Variants in POU2F3 observed in about 807,000 individuals in gnomAD.
POU2F3 encodes the protein POU domain, class 2, transcription factor 3.
POU2F3 carries 23 observed loss-of-function variants against 59.2 expected under a neutral mutation model. That is an observed-to-expected ratio of 0.39 (90% CI 0.28 to 0.55). The LOEUF is 0.55. Ranked by LOEUF, POU2F3 falls within the 20% of genes least tolerant of loss-of-function variation. POU2F3 has a pLI of 0.66. For synonymous variants in POU2F3, 190 were observed against 214.6 expected, an observed-to-expected ratio of 0.89 and a Z score of 1.00; for missense variants, 473 against 544.5, an observed-to-expected ratio of 0.87 and a Z score of 1.31.
At chr11:120,315,968 G>C (rs993275720) in intron 11 of POU2F3, among the ~76,000 whole-genome samples, 7 of 149,312 alleles carry the variant, frequency 4.7e-5, no homozygotes, top group African/African-American at 1.7e-4. Context: ...TGCCTCCCAG[G>C]TTCAAGCAAT....
chr11:120,280,616 G>A (rs1393123291), intron 3 of POU2F3, among the ~76,000 whole-genome samples: 1 of 145,476 alleles, frequency 6.9e-6, no homozygotes, highest in East Asian at 1.9e-4. Context: ...AGGACAGACA[G>A]AGAGAGAGAG....
Position 120,307,476 on chromosome 11 carries a change from C to T in POU2F3, c.770-3C>T. 1 of 1,614,016 alleles carries T rather than the reference C, an allele frequency of 6.2e-7. No homozygotes were observed. Among genetic ancestry groups the T allele is most frequent in the Non-Finnish European group, 8.5e-7 (1 of 1,179,914 alleles). On this transcript the variant is annotated splice_polypyrimidine_tract_variant and splice_region_variant and intron_variant, in intron 8 of 12. Transcript: ENST00000543440. Reference sequence around the variant, plus strand: ...CTTCCTCTGGTCCTTCGTGTCCCTGCAGAGTCCTCTCCGTCAGACCCCTCA... The same window carrying T: ...CTTCCTCTGGTCCTTCGTGTCCCTGTAGAGTCCTCTCCGTCAGACCCCTCA...
At chr11:120,313,033 G>T (rs1941689640) in intron 10 of POU2F3, among the ~76,000 whole-genome samples, 1 of 152,186 alleles carries the variant, frequency 6.6e-6, no homozygotes, top group Non-Finnish European at 1.5e-5. Flanking sequence ...GCAAACCAGG[G>T]AGTGAGGGTG....
intron 2 of POU2F3, among the ~76,000 whole-genome samples, chr11:120,254,646 G>A (rs1033073511): frequency 6.6e-6 from 1 of 152,222 alleles, no homozygotes; most frequent in Non-Finnish European, 1.5e-5. Flanking sequence ...CCAGAGTCAA[G>A]CTGAGAGTAC....
intron 3 of POU2F3, among the ~76,000 whole-genome samples, chr11:120,280,285 A>T (rs551173338): frequency 6.6e-6 from 1 of 152,340 alleles, no homozygotes; most frequent in Non-Finnish European, 1.5e-5. Context: ...ATTTAAACCT[A>T]TAGCCACCCA....
chr11:120,307,189 A>G (rs990960306), intron 8 of POU2F3, among the ~76,000 whole-genome samples: 2 of 152,164 alleles, frequency 1.3e-5, no homozygotes, highest in Admixed American at 1.3e-4. Flanking sequence ...CTCAGCTGTG[A>G]CCCCAAACAC....
chr11:120,299,105 T>G (rs1169822708), intron 4 of POU2F3, among the ~76,000 whole-genome samples: 1 of 152,200 alleles, frequency 6.6e-6, no homozygotes, highest in African/African-American at 2.4e-5. Context: ...ACTTTTTGTT[T>G]AACTAAATTG....
intron 2 of POU2F3, among the ~76,000 whole-genome samples, chr11:120,263,598 C>T (rs898661868): frequency 7.9e-5 from 12 of 152,174 alleles, no homozygotes; most frequent in Non-Finnish European, 1.5e-4. Flanking sequence ...TCACTCAATG[C>T]GTTGGAGTTA....
intron 2 of POU2F3, among the ~76,000 whole-genome samples, chr11:120,257,462 C>A (rs111673188): frequency 2.2e-5 from 3 of 138,790 alleles, no homozygotes; most frequent in Admixed American, 7.1e-5. Flanking sequence ...CCCTTCAATT[C>A]TCACTTTCAG....
chr11:120,276,337 G>A lies in POU2F3; in HGVS notation c.132+7093G>A, dbSNP rs544747728. On this transcript the variant is annotated intron_variant, in intron 3 of 12. Transcript: ENST00000543440. ...GCCCAGTGGGGAAGATGTAGGGTCT[G>A]CCGCAGAGAGGGAGGTCAGTGGGGC... Among the ~76,000 whole-genome samples the A allele has an allele frequency of 7.4e-4, 113 of 152,296 alleles. No homozygotes were observed. The South Asian group carries it at 0.013, about 18-fold the overall frequency.
intron 2 of POU2F3, among the ~76,000 whole-genome samples, chr11:120,250,867 C>G (rs759937972): frequency 6.6e-5 from 10 of 152,086 alleles, no homozygotes; most frequent in Non-Finnish European, 1.0e-4. Context: ...ATCCCAGCTA[C>G]TCAGGGGGCT....
chr11:120,252,208 T>TTC (rs750398339), intron 2 of POU2F3, among the ~76,000 whole-genome samples: 17 of 140,910 alleles, frequency 1.2e-4, no homozygotes, highest in Admixed American at 2.8e-4. Context: ...CTGCTTTTCT[T>TTC]TTTTTTTTTT....
At chr11:120,239,100 G>A (rs1359107339), upstream of POU2F3, among the ~76,000 whole-genome samples, 5 of 152,174 alleles carry the variant, frequency 3.3e-5, no homozygotes, top group Admixed American at 2.0e-4. Context: ...TGTAAACAAG[G>A]TGTAGAGGCA....
intron 2 of POU2F3, chr11:120,255,007 C>T (rs1205228134): frequency 2.0e-5 from 3 of 152,310 alleles, no homozygotes; most frequent in Non-Finnish European, 4.4e-5. Context: ...ATTTGCATGG[C>T]ATTTTACATA....
At chr11:120,292,733 C>T (rs1400837321) in intron 3 of POU2F3, among the ~76,000 whole-genome samples, 1 of 152,196 alleles carries the variant, frequency 6.6e-6, no homozygotes, top group Non-Finnish European at 1.5e-5. Flanking sequence ...GCAGGTGTCT[C>T]AGGAGGGCTC....
At chr11:120,239,107 G>T (rs1348144781), upstream of POU2F3, among the ~76,000 whole-genome samples, 1 of 152,110 alleles carries the variant, frequency 6.6e-6, no homozygotes, top group Admixed American at 6.5e-5. Flanking sequence ...AAGGTGTAGA[G>T]GCAGGAAAGC....
rs144070485 is a variant in POU2F3, at chr11:120,263,532, T to C, written c.98-5678T>C. On this transcript the variant is annotated intron_variant, in intron 2 of 12. Coordinates refer to ENST00000543440, the MANE Select transcript of POU2F3 (RefSeq NM_014352.4). Reference sequence around the variant, plus strand: ...CCAGATTTGATCCGCATCTATCTTCTTTATTAGCCTAAGCTGTTGATTAAG... The same window carrying C: ...CCAGATTTGATCCGCATCTATCTTCCTTATTAGCCTAAGCTGTTGATTAAG... Among the ~76,000 whole-genome samples the C allele has an allele frequency of 5.4e-3, 827 of 152,384 alleles. 5 individuals carry two copies. Among genetic ancestry groups the C allele is most frequent in the Non-Finnish European group, 7.2e-3 (489 of 68,040 alleles).
chr11:120,259,903 G>GA (rs36056915), intron 2 of POU2F3, among the ~76,000 whole-genome samples: 3 of 152,188 alleles, frequency 2.0e-5, no homozygotes, highest in African/African-American at 2.4e-5. Context: ...GGGCATCCTG[G>GA]AAAAAACTTG....
At chr11:120,269,581 G>A (rs552450317) in intron 3 of POU2F3, among the ~76,000 whole-genome samples, 40 of 152,308 alleles carry the variant, frequency 2.6e-4, no homozygotes, top group African/African-American at 8.4e-4. Context: ...TGCATGAATT[G>A]ACTGTGTACA....
Sources: allele counts gnomAD v4.1 joint callset (sites outside exome capture counted in the v4.1 genomes callset), GRCh38; gene constraint gnomAD v4.1.1; transcripts MANE v1.5; gene names NCBI Gene and HGNC (gene_info 2026-07-23, HGNC 2026-07-21).